SLC3A2: variants seen among roughly 807,000 people sequenced by gnomAD.
The protein encoded by SLC3A2 is solute carrier family 3 member 2, also known as amino acid transporter heavy chain SLC3A2.
In SLC3A2, 32 loss-of-function variants were observed where a neutral mutation model predicts 48.5. That is an observed-to-expected ratio of 0.66 (90% CI 0.50 to 0.89). The LOEUF (loss-of-function observed/expected upper bound fraction) is 0.89, where lower values mean the gene tolerates loss of function less well. SLC3A2 is among the 40% of genes least tolerant of loss of function. The pLI, the probability that SLC3A2 is intolerant of heterozygous loss-of-function variation, is 0.00. For synonymous variants in SLC3A2, 277 were observed against 288.8 expected (o/e 0.96, Z 0.41); for missense variants, 587 against 680.7 (o/e 0.86, Z 1.53).
In SLC3A2 at chr11:62,881,461, GC is replaced by G; in HGVS notation, c.424+19del. On this transcript the variant is annotated intron_variant, in intron 1 of 8. Coordinates refer to ENST00000338663, the MANE Select transcript of SLC3A2 (RefSeq NM_001013251.3). This position sits in a 1 kb window ranked among gnomAD's most constrained non-coding sequence, Gnocchi z 4.0. ...GCAACCTGGCGGGTGAGTGCAGCGC[GC>G]CCCCGTCCCGGGTACCTCCGGTTGA... is the stretch of plus-strand genomic sequence containing the variant. 1 of 1,563,940 alleles carries G rather than the reference GC, an allele frequency of 6.4e-7. No individual in the cohort carries two copies. Among genetic ancestry groups the G allele is most frequent in the South Asian group, 1.2e-5 (1 of 86,276 alleles).
chr11:62,882,843 T>C (rs2085660156), intron 2 of SLC3A2, 65 bp from the exon 3 acceptor site: 1 of 1,335,580 alleles, frequency 7.5e-7, no homozygotes, highest in African/African-American at 1.4e-5. Context: ...CTTGCATTTG[T>C]GATTTCCTTA....
Position 62,881,894 on chromosome 11 carries a change from T to G in SLC3A2, c.426T>G (p.Gly142=), listed in dbSNP as rs1010006638. ...FQGHGAGNLA[G]LKGRLDYLSS... ...TTGTTAACCCAGCCCCCATTTCAGG[T>G]CTGAAGGGGCGTCTCGATTACCTGA... The change falls in exon 2 of 9, where the codon GGT becomes GGG. Residue 142 remains glycine (G), a splice_region_variant and synonymous_variant. Coordinates refer to ENST00000338663, the MANE Select transcript of SLC3A2 (RefSeq NM_001013251.3). This position sits in a 1 kb window ranked among gnomAD's most constrained non-coding sequence, Gnocchi z 4.0. The G allele has an allele frequency of 8.1e-6, 13 of 1,613,840 alleles. No individual in the cohort carries two copies. Among genetic ancestry groups the G allele is most frequent in the Non-Finnish European group, 1.0e-5 (12 of 1,179,894 alleles).
exon 1 of SLC3A2, chr11:62,856,183 C>T: frequency 9.4e-7 from 1 of 1,059,510 alleles, no homozygotes; most frequent in South Asian, 1.6e-5. Flanking sequence ...CGATCCTGGA[C>T]TGACGGTCAC....
intron 1 of SLC3A2, among the ~76,000 whole-genome samples, chr11:62,871,900 C>A (rs1184892981): frequency 6.6e-6 from 1 of 151,528 alleles, no homozygotes; most frequent in East Asian, 1.9e-4. Flanking sequence ...GACATCAAAT[C>A]TTTATTTTAT....
chr11:62,859,542 C>T (rs955423688), intron 1 of SLC3A2, among the ~76,000 whole-genome samples: 1 of 151,976 alleles, frequency 6.6e-6, no homozygotes, highest in Non-Finnish European at 1.5e-5. Context: ...ATAAGCCGGG[C>T]GTGGTGTGGG....
chr11:62,859,964 G>C (rs1411278893), intron 1 of SLC3A2, among the ~76,000 whole-genome samples: 2 of 152,148 alleles, frequency 1.3e-5, no homozygotes, highest in African/African-American at 4.8e-5. Context: ...CTGGCGCTCA[G>C]CATACGGAGG....
chr11:62,865,513 A>G (rs1046800649), intron 1 of SLC3A2, among the ~76,000 whole-genome samples: 6 of 139,308 alleles, frequency 4.3e-5, no homozygotes, highest in South Asian at 4.5e-4. Flanking sequence ...CCTAGATTGC[A>G]CCACTGCACT....
chr11:62,874,191 A>G (rs1004960204), intron 1 of SLC3A2, among the ~76,000 whole-genome samples: 2 of 151,848 alleles, frequency 1.3e-5, no homozygotes, highest in Non-Finnish European at 2.9e-5. Flanking sequence ...ATGACTGCAG[A>G]AATAGCTGCT....
chr11:62,867,350 A>G (rs1378628655), intron 1 of SLC3A2, among the ~76,000 whole-genome samples: 1 of 108,762 alleles, frequency 9.2e-6, no homozygotes, highest in South Asian at 3.0e-4. Context: ...TTTTTGATAC[A>G]GAGTCTCGCT....
At chr11:62,862,837 A>G (rs1329316181) in intron 1 of SLC3A2, among the ~76,000 whole-genome samples, 1 of 152,164 alleles carries the variant, frequency 6.6e-6, no homozygotes, top group Non-Finnish European at 1.5e-5. Flanking sequence ...TGGCAGCAAG[A>G]GGCACTGCCT....
intron 1 of SLC3A2, among the ~76,000 whole-genome samples, chr11:62,869,054 A>G (rs1470133951): frequency 1.3e-5 from 2 of 151,528 alleles, no homozygotes; most frequent in African/African-American, 4.8e-5. Context: ...TTGCACCACC[A>G]CGCCCCGCTA....
intron 1 of SLC3A2, among the ~76,000 whole-genome samples, chr11:62,874,488 C>T (rs1013427894): frequency 6.6e-6 from 1 of 152,134 alleles, no homozygotes; most frequent in African/African-American, 2.4e-5. Context: ...TTTCTCTTCT[C>T]CTAAGAGATG....
At chr11:62,879,150 C>A (rs1476050692), upstream of SLC3A2, among the ~76,000 whole-genome samples, 1 of 152,104 alleles carries the variant, frequency 6.6e-6, no homozygotes, top group Non-Finnish European at 1.5e-5. Context: ...TCACTGCAAC[C>A]TCTACCTCCT....
chr11:62,856,637 G>A (rs1049610671), intron 1 of SLC3A2, among the ~76,000 whole-genome samples: 1 of 152,076 alleles, frequency 6.6e-6, no homozygotes, highest in Non-Finnish European at 1.5e-5. Context: ...AGCTAGGTAG[G>A]ATGACAACCC....
At chr11:62,862,907 C>T (rs544116587) in intron 1 of SLC3A2, among the ~76,000 whole-genome samples, 6 of 152,254 alleles carry the variant, frequency 3.9e-5, no homozygotes, top group South Asian at 2.1e-4. Context: ...CTGGCAGAGA[C>T]GTGACAGTGG....
upstream of SLC3A2, chr11:62,880,714 T>G: frequency 3.2e-6 from 1 of 313,912 alleles, no homozygotes; most frequent in Non-Finnish European, 5.9e-6. Context: ...GAAAAGAACT[T>G]TAGGGTTAGA....
chr11:62,882,000 C>A lies in SLC3A2; in HGVS notation c.532C>A (p.Gln178Lys). ...TGATGTCGCTCAGACTGACTTGCTG[C>A]AGATCGACCCCAATTTTGGCTCCAA... ...KDDVAQTDLL[Q>K]IDPNFGSKED... Residue 178 changes from glutamine to lysine, a missense_variant, in exon 2 of 9, where the codon CAG (glutamine) becomes AAG (lysine). Gln to Lys is a moderately conservative substitution (Grantham distance 53, BLOSUM62 1). Around this residue, in one of 3 missense-constraint regions of SLC3A2, gnomAD observed 409 missense variants for 446.7 expected, o/e 0.92. Transcript: ENST00000338663. The surrounding 1 kb of genome is among the most constrained non-coding windows in gnomAD (Gnocchi z 4.0). The A allele has an allele frequency of 1.2e-6, 2 of 1,614,222 alleles. No homozygotes were observed. The highest frequency in any genetic ancestry group is 1.7e-6 in the Non-Finnish European group (2 of 1,180,042).
intron 1 of SLC3A2, among the ~76,000 whole-genome samples, chr11:62,858,281 C>G (rs550097323): frequency 6.6e-6 from 1 of 152,264 alleles, no homozygotes; most frequent in South Asian, 2.1e-4. Flanking sequence ...TGAGTTGGGA[C>G]TCTGGTGAAC....
rs2085751581 is a variant in SLC3A2 at position 62,888,818 on chromosome 11, G to T, written c.*125G>T. ...AGATTATGAGTGAACCCCCAAATAG[G>T]GTGTTTTCTGCCTTCAAATAAAAGT... On this transcript the variant is annotated 3_prime_UTR_variant, in exon 9 of 9. Transcript: ENST00000338663. 2.2e-6 allele frequency: 2 copies of T among 907,950 alleles called. No homozygotes were observed. The highest frequency in any genetic ancestry group is 3.4e-5 in the African/African-American group (2 of 59,456). The allele number at this position is 907,950 out of a possible 1,614,324, so 56.2% of individuals were successfully genotyped here.
Sources: gnomAD v4.1 joint callset for allele counts (sites outside exome capture counted in the v4.1 genomes callset) on GRCh38, gnomAD v4.1.1 for gene constraint, gnomAD v4.1.1 regional missense constraint, Gnocchi (gnomAD v3.1) non-coding constraint, MANE v1.5 for transcripts, NCBI Gene and HGNC (gene_info 2026-07-23, HGNC 2026-07-21) for gene names.